CCSER1: variants seen among roughly 807,000 people sequenced by gnomAD.
The protein encoded by CCSER1 is serine-rich coiled-coil domain-containing protein 1.
A neutral mutation model predicts 82.0 loss-of-function variants in CCSER1; 41 were observed. The observed-to-expected ratio is 0.50, with a 90% CI of 0.39 to 0.65. The LOEUF (loss-of-function observed/expected upper bound fraction) is 0.65, where lower values mean the gene tolerates loss of function less well. Among genes scored for constraint, CCSER1 ranks in the 30% least tolerant of loss-of-function variants. CCSER1 has a pLI of 0.00. For missense variants in CCSER1, 1,119 were observed against 1,064.2 expected (o/e 1.05, Z -0.72); for synonymous variants, 414 against 383.9 (o/e 1.08, Z -0.92).
rs553763465 is a variant in CCSER1 at position 91,327,567 on chromosome 4, T to C, written c.2217+241573T>C. 1.6e-4 allele frequency among the ~76,000 whole-genome samples: 24 copies of C among 152,344 alleles called. No homozygotes were observed. The East Asian group carries it at 4.6e-3, about 29-fold the overall frequency. ...TCTCTGAAATGCCCTGGGGGCATTT[T>C]CCCCATTGTCTTGGCTTTTAACATT... On this transcript the variant is annotated intron_variant, in intron 10 of 10. Coordinates refer to ENST00000509176, the MANE Select transcript of CCSER1 (RefSeq NM_001145065.2).
At chr4:91,175,297 C>A (rs763120662) in intron 10 of CCSER1, among the ~76,000 whole-genome samples, 2 of 152,122 alleles carry the variant, frequency 1.3e-5, no homozygotes, top group Non-Finnish European at 2.9e-5. Context: ...ATGCATGTGA[C>A]TTTATAGCAG....
At chr4:91,553,471 G>A (rs1223702158) in intron 10 of CCSER1, among the ~76,000 whole-genome samples, 1 of 150,956 alleles carries the variant, frequency 6.6e-6, no homozygotes, top group Non-Finnish European at 1.5e-5. Flanking sequence ...GATATTAATT[G>A]TGTTTTAAAT....
intron 8 of CCSER1, among the ~76,000 whole-genome samples, chr4:90,832,740 C>A (rs1307035343): frequency 3.9e-5 from 6 of 152,102 alleles, no homozygotes; most frequent in Admixed American, 3.9e-4. Flanking sequence ...TTTGTCAACA[C>A]TTTATAGATT....
At chr4:91,139,339 C>T (rs1728802703) in intron 10 of CCSER1, among the ~76,000 whole-genome samples, 1 of 151,946 alleles carries the variant, frequency 6.6e-6, no homozygotes, top group African/African-American at 2.4e-5. Context: ...TATTTAAATA[C>T]CACTTATCGT....
intron 8 of CCSER1, chr4:90,918,080 C>T: frequency 5.8e-6 from 1 of 173,640 alleles, no homozygotes; most frequent in Non-Finnish European, 1.3e-5. Flanking sequence ...GGATAGCAAC[C>T]AAATGTTTTC....
At chr4:90,225,749 T>G (rs2153423838) in intron 1 of CCSER1, among the ~76,000 whole-genome samples, 1 of 152,328 alleles carries the variant, frequency 6.6e-6, no homozygotes, top group East Asian at 1.9e-4. Context: ...TTTTCCTCAT[T>G]TTTGTCTCTT....
At chr4:90,280,983 A>T (rs1728744697) in intron 1 of CCSER1, among the ~76,000 whole-genome samples, 1 of 152,042 alleles carries the variant, frequency 6.6e-6, no homozygotes, top group Admixed American at 6.6e-5. Context: ...AAAACATTTG[A>T]AATCATACTG....
At chr4:90,818,641 T>G (rs903897915) in intron 8 of CCSER1, among the ~76,000 whole-genome samples, 3 of 152,220 alleles carry the variant, frequency 2.0e-5, no homozygotes, top group African/African-American at 7.2e-5. Context: ...GCATGGTTTC[T>G]GAACAATAGT....
chr4:90,593,828 C>G (rs1349809875), intron 5 of CCSER1, among the ~76,000 whole-genome samples: 1 of 151,860 alleles, frequency 6.6e-6, no homozygotes, highest in Non-Finnish European at 1.5e-5. Context: ...TTGTACTTTC[C>G]TTAACTTTTT....
chr4:91,539,809 C>T (rs1268171064), intron 10 of CCSER1, among the ~76,000 whole-genome samples: 2 of 152,008 alleles, frequency 1.3e-5, no homozygotes, highest in Admixed American at 1.3e-4. Flanking sequence ...TAATTTCCAA[C>T]TTATTCATTC....
At chr4:90,902,600 C>G (rs967608328) in intron 8 of CCSER1, among the ~76,000 whole-genome samples, 1 of 151,972 alleles carries the variant, frequency 6.6e-6, no homozygotes, top group African/African-American at 2.4e-5. Flanking sequence ...TAGCTTCTGG[C>G]TTTTTCAGAT....
At chr4:90,525,758 C>A (rs926879461) in intron 5 of CCSER1, among the ~76,000 whole-genome samples, 3 of 152,086 alleles carry the variant, frequency 2.0e-5, no homozygotes, top group Non-Finnish European at 4.4e-5. Context: ...TCTACCTCAG[C>A]CTCCCCAGTA....
intron 1 of CCSER1, among the ~76,000 whole-genome samples, chr4:90,132,850 T>G (rs1723034295): frequency 6.6e-6 from 1 of 152,216 alleles, no homozygotes; most frequent in Admixed American, 6.5e-5. Flanking sequence ...AAGTTTTGAA[T>G]TTTTAAACTG....
chr4:91,526,277 A>T (rs1760758900), intron 10 of CCSER1, among the ~76,000 whole-genome samples: 1 of 152,188 alleles, frequency 6.6e-6, no homozygotes, highest in Non-Finnish European at 1.5e-5. Context: ...TCTTTGGATA[A>T]ACTCAACCAA....
chr4:91,342,426 T>C (rs766663990), intron 10 of CCSER1, among the ~76,000 whole-genome samples: 1 of 152,196 alleles, frequency 6.6e-6, no homozygotes, highest in East Asian at 1.9e-4. Flanking sequence ...TAAGTGCTAA[T>C]ACCTTGGAAA....
intron 8 of CCSER1, among the ~76,000 whole-genome samples, chr4:90,856,246 G>A (rs1446089702): frequency 6.6e-6 from 1 of 151,908 alleles, no homozygotes; most frequent in Non-Finnish European, 1.5e-5. Flanking sequence ...TTTTGTTTAA[G>A]CTGATGTTGA....
intron 8 of CCSER1, among the ~76,000 whole-genome samples, chr4:90,817,030 C>T (rs1580621668): frequency 6.6e-6 from 1 of 152,174 alleles, no homozygotes; most frequent in African/African-American, 2.4e-5. Context: ...ACAAAAGGAA[C>T]ACGTGTTACA....
intron 6 of CCSER1, among the ~76,000 whole-genome samples, chr4:90,712,044 T>C (rs1217903900): frequency 6.6e-6 from 1 of 151,784 alleles, no homozygotes; most frequent in African/African-American, 2.4e-5. Context: ...CTTCTTTTCT[T>C]TATTAGTCTA....
chr4:91,167,311 G>A (rs987896987), intron 10 of CCSER1, among the ~76,000 whole-genome samples: 6 of 149,072 alleles, frequency 4.0e-5, no homozygotes, highest in African/African-American at 9.9e-5. Flanking sequence ...TCAGCCTCCC[G>A]AGTAGCTGGG....
Sources: gnomAD v4.1 joint callset for allele counts (sites outside exome capture counted in the v4.1 genomes callset) on GRCh38, gnomAD v4.1.1 for gene constraint, MANE v1.5 for transcripts, NCBI Gene and HGNC (gene_info 2026-07-23, HGNC 2026-07-21) for gene names.